Variants in HACD2 observed in about 807,000 individuals in gnomAD.
HACD2 encodes the protein very-long-chain (3R)-3-hydroxyacyl-CoA dehydratase 2.
Under a neutral mutation model 31.0 loss-of-function variants are expected in HACD2, and 15 were observed. That is an observed-to-expected ratio of 0.48 (90% CI 0.32 to 0.75). The LOEUF is 0.75. Among genes scored for constraint, HACD2 ranks in the 30% least tolerant of loss-of-function variants. The pLI is 0.03. For synonymous variants in HACD2, 115 were observed against 122.2 expected, an observed-to-expected ratio of 0.94 and a Z score of 0.39; for missense variants, 283 against 313.0, an observed-to-expected ratio of 0.90 and a Z score of 0.72.
intron 4 of HACD2, among the ~76,000 whole-genome samples, chr3:123,512,037 G>A (rs1309912124): frequency 6.6e-6 from 1 of 152,160 alleles, no homozygotes; most frequent in Non-Finnish European, 1.5e-5. Flanking sequence ...AGATGCAGGT[G>A]CTGGTGCCAT....
intron 3 of HACD2, among the ~76,000 whole-genome samples, chr3:123,561,235 T>C (rs984947886): frequency 6.6e-6 from 1 of 152,186 alleles, no homozygotes; most frequent in Non-Finnish European, 1.5e-5. Flanking sequence ...ATAAAATCAG[T>C]CTGGAGCCAT....
chr3:123,525,700 C>A (rs2056272998), intron 4 of HACD2, among the ~76,000 whole-genome samples: 1 of 152,112 alleles, frequency 6.6e-6, no homozygotes, highest in African/African-American at 2.4e-5. Context: ...ATGAAGAATT[C>A]TTGTCCACTT....
chr3:123,494,202 T>A lies in HACD2; in HGVS notation c.*686A>T, dbSNP rs1176238377. The A allele has an allele frequency of 6.6e-6, 1 of 152,470 alleles. No individual in the cohort carries two copies. The highest frequency in any genetic ancestry group is 1.9e-4 in the East Asian group (1 of 5,216). The allele number at this position is 152,470 out of a possible 1,614,324, so 9.4% of individuals were successfully genotyped here. ...TCCAGATAAGATATATTCTTTACGG[T>A]ACACACATACTTATTAGATTCAAGC... On this transcript the variant is annotated 3_prime_UTR_variant, in exon 7 of 7. Transcript: ENST00000383657.
intron 2 of HACD2, among the ~76,000 whole-genome samples, chr3:123,580,166 C>CA (rs60618268): frequency 0.13 from 16,482 of 123,740 alleles, 2,953 homozygotes; most frequent in African/African-American, 0.4. Flanking sequence ...GGCCCTGTGT[C>CA]AAAAAAAAAA....
chr3:123,510,930 GTGTTTTTTTTTTT>G (rs1180715520), intron 4 of HACD2, among the ~76,000 whole-genome samples: 8 of 32,240 alleles, frequency 2.5e-4, no homozygotes, highest in African/African-American at 4.1e-4. Flanking sequence ...CTCATTTGCT[GTGTTTTTTTTTTT>G]TGTTTTTTTT....
At chr3:123,507,722 A>T (rs1246186010) in intron 4 of HACD2, among the ~76,000 whole-genome samples, 2 of 152,172 alleles carry the variant, frequency 1.3e-5, no homozygotes, top group Non-Finnish European at 2.9e-5. Flanking sequence ...ATGTACCCAC[A>T]AAAATTTTAA....
chr3:123,527,279 G>A (rs956820756), intron 4 of HACD2, among the ~76,000 whole-genome samples: 1 of 152,150 alleles, frequency 6.6e-6, no homozygotes, highest in African/African-American at 2.4e-5. Context: ...TTCACTTTCC[G>A]TAGCTTCTGT....
At position 123,585,018 on chromosome 3, in the gene HACD2, C is replaced by A. The variant is rs1185487869; in HGVS notation, c.10G>T (p.Val4Leu). The change falls in exon 1 of 7, where the codon GTG becomes TTG. Residue 4 changes from valine to leucine, a missense_variant. Physicochemically the swap from Val to Leu is conservative, Grantham distance 32. This residue lies in a region of HACD2 where 158 missense variants were observed against 148.3 expected (regional missense o/e 1.07). Transcript: ENST00000383657. ...CCCTTCGCTGCTGCAGTCGCCGCCA[C>A]TGCCGCCATGTCAAGTGCCCGAAGC... MAA[V>L]AATAAAKGNG... 5 of 1,508,450 alleles carry A rather than the reference C, an allele frequency of 3.3e-6. No individual in the cohort carries two copies. The Admixed American group carries it at 6.5e-5, about 20-fold the overall frequency. The allele number at this position is 1,508,450 out of a possible 1,614,324, so 93.4% of individuals were successfully genotyped here.
intron 4 of HACD2, among the ~76,000 whole-genome samples, chr3:123,509,914 C>A (rs2056035362): frequency 1.3e-5 from 2 of 152,118 alleles, no homozygotes; most frequent in Admixed American, 6.5e-5. Context: ...GGGGAAAAAA[C>A]AACCTTGTAA....
intron 4 of HACD2, among the ~76,000 whole-genome samples, chr3:123,508,453 A>T (rs957222065): frequency 1.1e-4 from 16 of 152,238 alleles, no homozygotes; most frequent in Non-Finnish European, 2.2e-4. Context: ...ATAGCATCAT[A>T]TGTTTGACTT....
intron 3 of HACD2, among the ~76,000 whole-genome samples, chr3:123,566,331 C>T (rs1430112421): frequency 6.6e-6 from 1 of 151,952 alleles, no homozygotes; most frequent in African/African-American, 2.4e-5. Context: ...GTTTCCCAGG[C>T]TAAAATGCAA....
At chr3:123,500,767 T>C in intron 5 of HACD2, 74 bp from the exon 6 acceptor site, 1 of 901,290 alleles carries the variant, frequency 1.1e-6, no homozygotes, top group Non-Finnish European at 1.7e-6. Context: ...CCCACCCTTC[T>C]AATCAGTACT....
chr3:123,564,129 G>A (rs1265880569), intron 3 of HACD2, among the ~76,000 whole-genome samples: 3 of 152,218 alleles, frequency 2.0e-5, no homozygotes, highest in Admixed American at 6.5e-5. Flanking sequence ...GTGGCCGGCG[G>A]CAGCCCTGAC....
chr3:123,525,404 C>T (rs113943871), intron 4 of HACD2, among the ~76,000 whole-genome samples: 1 of 152,054 alleles, frequency 6.6e-6, no homozygotes, highest in African/African-American at 2.4e-5. Context: ...TAAGAGAAAA[C>T]CATCTGATCA....
chr3:123,495,327 GTGA>G (rs2055819245), intron 6 of HACD2, among the ~76,000 whole-genome samples: 1 of 152,164 alleles, frequency 6.6e-6, no homozygotes, highest in Non-Finnish European at 1.5e-5. Flanking sequence ...AAGAATTCTA[GTGA>G]TGAAGTTATT....
chr3:123,527,461 T>G (rs1232422519), intron 4 of HACD2, among the ~76,000 whole-genome samples: 1 of 152,224 alleles, frequency 6.6e-6, no homozygotes, highest in African/African-American at 2.4e-5. Context: ...CCATACTGTA[T>G]ATGCTACTGG....
At chr3:123,569,592 G>T (rs1200610969) in intron 2 of HACD2, among the ~76,000 whole-genome samples, 3 of 152,114 alleles carry the variant, frequency 2.0e-5, no homozygotes, top group Non-Finnish European at 4.4e-5. Flanking sequence ...GAACTCCTGG[G>T]CTCAAGTGAT....
chr3:123,509,532 T>G (rs181467793), intron 4 of HACD2, among the ~76,000 whole-genome samples: 3 of 147,760 alleles, frequency 2.0e-5, no homozygotes, highest in Admixed American at 6.7e-5. Context: ...GGAGTCTCGC[T>G]CTGTTGCCCA....
At chr3:123,540,646 T>C (rs2107719101) in intron 3 of HACD2, among the ~76,000 whole-genome samples, 1 of 152,314 alleles carries the variant, frequency 6.6e-6, no homozygotes, top group Non-Finnish European at 1.5e-5. Context: ...ATTCCCACCC[T>C]ATTATTTTTA....
Sources: gnomAD v4.1 joint callset for allele counts (sites outside exome capture counted in the v4.1 genomes callset) on GRCh38, gnomAD v4.1.1 for gene constraint, gnomAD v4.1.1 regional missense constraint, MANE v1.5 for transcripts, NCBI Gene and HGNC (gene_info 2026-07-23, HGNC 2026-07-21) for gene names.